The following PRH1 variants were observed in gnomAD, a reference collection of about 807,000 sequenced individuals.
PRH1 encodes salivary acidic proline-rich phosphoprotein 1/2.
In PRH1, 7 loss-of-function variants were observed where a neutral mutation model predicts 7.9. The ratio of observed to expected loss-of-function variants is 0.89; its 90% CI spans 0.50 to 1.67. The LOEUF is 1.67. PRH1 is among the 40% of genes most tolerant of loss of function. PRH1 has a pLI of 0.00. For synonymous variants in PRH1, 45 were observed against 80.8 expected (o/e 0.56, Z 2.38); for missense variants, 109 against 223.6 (o/e 0.49, Z 3.27).
chr12:10,884,146 C>A lies in PRH1; in HGVS notation c.64+8G>T, dbSNP rs1949453910. ...AGAGTCACAATATCTTCCCCCAATT[C>A]ATCTTACCTTCATTTAAATCCTGAG... is the stretch of plus-strand genomic sequence containing the variant. On this transcript the variant is annotated splice_region_variant and intron_variant, in intron 1 of 3. Transcript: ENST00000543626. The A allele has an allele frequency of 1.2e-6, 2 of 1,614,172 alleles. No individual in the cohort carries two copies. Among genetic ancestry groups the A allele is most frequent in the Non-Finnish European group, 1.7e-6 (2 of 1,180,010 alleles).
At chr12:10,982,102 T>G (rs2900554) in intron 1 of PRH1, among the ~76,000 whole-genome samples, 68,173 of 151,794 alleles carry the variant, frequency 0.45, 16,153 homozygotes, top group Non-Finnish European at 0.52. Flanking sequence ...GAAAGTGTAA[T>G]TGAAGTTGAC....
At chr12:10,943,879 T>C (rs1431990181) in intron 2 of PRH1, among the ~76,000 whole-genome samples, 2 of 152,224 alleles carry the variant, frequency 1.3e-5, no homozygotes, top group South Asian at 4.1e-4. Flanking sequence ...TAGATAGTCA[T>C]AAATGTGTGG....
chr12:10,964,166 C>T (rs1938388333), intron 2 of PRH1, among the ~76,000 whole-genome samples: 1 of 152,192 alleles, frequency 6.6e-6, no homozygotes, highest in African/African-American at 2.4e-5. Flanking sequence ...AAATTTCTTA[C>T]AATATTTTCT....
chr12:10,939,053 G>A lies in PRH1; in HGVS notation c.-59+34602C>T. The stretch of plus-strand genomic sequence containing the variant: ...CCAAACCAGGCTAATTCGAGAGATT[G>A]CCAAAGCAGTGAGGATCCGATCAAC... On this transcript the variant is annotated intron_variant, in intron 2 of 3. Transcript: ENST00000539853. The A allele has an allele frequency of 1.9e-6, 3 of 1,613,946 alleles. No individual in the cohort carries two copies. The African/African-American group carries it at 4.0e-5, about 22-fold the overall frequency.
chr12:11,004,156 C>T (rs1940718324), intron 1 of PRH1, among the ~76,000 whole-genome samples: 1 of 151,894 alleles, frequency 6.6e-6, no homozygotes, highest in Non-Finnish European at 1.5e-5. Flanking sequence ...ATATGCTCTC[C>T]AAAATTAGTA....
intron 2 of PRH1, chr12:10,930,365 T>C (rs1006590301): frequency 5.1e-6 from 8 of 1,566,892 alleles, no homozygotes; most frequent in African/African-American, 1.4e-5. Context: ...AATTGATCAG[T>C]TCTCCAGTGT....
At chr12:11,151,181 A>T (rs1017655672) in intron 1 of PRH1, among the ~76,000 whole-genome samples, 4 of 151,962 alleles carry the variant, frequency 2.6e-5, no homozygotes, top group Admixed American at 2.6e-4. Flanking sequence ...CAGCAGCTGA[A>T]GTGTGAGAAC....
At chr12:11,031,650 T>C (rs1942224717) in intron 1 of PRH1, among the ~76,000 whole-genome samples, 1 of 152,202 alleles carries the variant, frequency 6.6e-6, no homozygotes, top group African/African-American at 2.4e-5. Flanking sequence ...AGTGCCCTTT[T>C]TTCAATCCTC....
chr12:11,031,491 G>C, intron 1 of PRH1: 2 of 774,402 alleles, frequency 2.6e-6, no homozygotes, highest in Non-Finnish European at 3.8e-6. Context: ...CCCAAAGAGT[G>C]AGCAACAGCA....
chr12:10,961,884 G>T (rs867407560), intron 2 of PRH1, among the ~76,000 whole-genome samples: 5 of 152,172 alleles, frequency 3.3e-5, no homozygotes. Flanking sequence ...CCAAGTGCAT[G>T]CATCTGATGA....
intron 2 of PRH1, among the ~76,000 whole-genome samples, chr12:10,937,029 C>T (rs375260949): frequency 1.3e-3 from 205 of 152,136 alleles, no homozygotes; most frequent in African/African-American, 4.4e-3. Flanking sequence ...TTCAGGATTA[C>T]GGTTACATTC....
intron 2 of PRH1, among the ~76,000 whole-genome samples, chr12:10,922,825 CTT>C (rs139253542): frequency 8.8e-6 from 1 of 113,550 alleles, no homozygotes; most frequent in African/African-American, 3.0e-5. Context: ...TGAATTTTTT[CTT>C]TTTCTTTTTT....
At chr12:10,963,786 C>T in intron 2 of PRH1, among the ~76,000 whole-genome samples, 1 of 152,090 alleles carries the variant, frequency 6.6e-6, no homozygotes, top group East Asian at 1.9e-4. Context: ...TAGACATATA[C>T]AAAATGTATT....
chr12:11,167,592 C>T (rs1947620056), intron 1 of PRH1, among the ~76,000 whole-genome samples: 1 of 152,038 alleles, frequency 6.6e-6, no homozygotes, highest in South Asian at 2.1e-4. Context: ...CTACAGGCGC[C>T]TGCCACCACA....
At position 10,925,383 on chromosome 12, in the gene PRH1, C is replaced by T. The variant is rs968949561; in HGVS notation, c.-58-41108G>A. Reference sequence around the variant, plus strand: ...CTTCATACACAAATCTCAGGCCAGTCTCTCTCTTGGACTTCTAAAATTTTA... The same window carrying T: ...CTTCATACACAAATCTCAGGCCAGTTTCTCTCTTGGACTTCTAAAATTTTA... On this transcript the variant is annotated intron_variant, in intron 2 of 3. Transcript: ENST00000539853. Among the ~76,000 whole-genome samples the T allele has an allele frequency of 3.9e-5, 6 of 152,312 alleles. No homozygotes were observed. In the South Asian group the frequency reaches 1.0e-3, roughly 26 times the overall value.
intron 1 of PRH1, among the ~76,000 whole-genome samples, chr12:11,023,952 T>C (rs1941785649): frequency 6.6e-6 from 1 of 152,164 alleles, no homozygotes; most frequent in Admixed American, 6.5e-5. Flanking sequence ...ATGCCCACCA[T>C]TGTTGTGTCA....
At chr12:11,128,961 T>C (rs899287239) in intron 1 of PRH1, among the ~76,000 whole-genome samples, 6 of 152,046 alleles carry the variant, frequency 3.9e-5, no homozygotes, top group African/African-American at 1.4e-4. Flanking sequence ...CTCCCTCTGT[T>C]ACCCAAGCTG....
intron 1 of PRH1, chr12:11,022,281 C>T (rs754855824): frequency 6.2e-7 from 1 of 1,614,154 alleles, no homozygotes. Context: ...TAGCAGCAAG[C>T]CACATGCTGA....
At chr12:11,043,285 A>C (rs943632426) in intron 1 of PRH1, among the ~76,000 whole-genome samples, 3 of 152,188 alleles carry the variant, frequency 2.0e-5, no homozygotes, top group African/African-American at 7.2e-5. Flanking sequence ...TGAATATAGA[A>C]GGAAAATCTA....
Sources: gnomAD v4.1 joint callset for allele counts (sites outside exome capture counted in the v4.1 genomes callset) on GRCh38, gnomAD v4.1.1 for gene constraint, MANE v1.5 for transcripts, NCBI Gene and HGNC (gene_info 2026-07-23, HGNC 2026-07-21) for gene names.